The following CERS4 variants were observed in gnomAD, a reference collection of about 807,000 sequenced individuals.
CERS4 encodes LAG1 homolog, ceramide synthase 4.
A neutral mutation model predicts 51.8 loss-of-function variants in CERS4; 65 were observed. The observed-to-expected ratio is 1.26, with a 90% CI of 1.03 to 1.54. The LOEUF is 1.54. Among genes scored for constraint, CERS4 ranks in the 40% most tolerant of loss-of-function variants. The pLI is 0.00. For synonymous variants in CERS4, 228 were observed against 208.4 expected, an observed-to-expected ratio of 1.09 and a Z score of -0.81; for missense variants, 563 against 500.4, an observed-to-expected ratio of 1.13 and a Z score of -1.19.
chr19:8,223,143 G>A (rs1568502293), intron 2 of CERS4, among the ~76,000 whole-genome samples: 1 of 151,632 alleles, frequency 6.6e-6, no homozygotes, highest in Non-Finnish European at 1.5e-5. Context: ...AGACCAGCCT[G>A]GGCAACATAG....
At chr19:8,227,621 C>T (rs1188552283) in intron 2 of CERS4, among the ~76,000 whole-genome samples, 1 of 151,920 alleles carries the variant, frequency 6.6e-6, no homozygotes, top group African/African-American at 2.4e-5. Flanking sequence ...GGCTTACAGG[C>T]ATGAGTCACT....
chr19:8,234,005 C>T (rs1427338953), intron 2 of CERS4, among the ~76,000 whole-genome samples: 2 of 144,292 alleles, frequency 1.4e-5, no homozygotes, highest in East Asian at 2.2e-4. Context: ...ACAGAGACCT[C>T]GTCTCAAAAT....
Position 8,261,662 on chromosome 19 carries a change from G to T in CERS4, c.849-26G>T, listed in dbSNP as rs772451622. 28 of 1,613,164 alleles carry T rather than the reference G, an allele frequency of 1.7e-5. No homozygotes were observed. In the East Asian group the frequency reaches 6.2e-4, roughly 36 times the overall value. On this transcript the variant is annotated intron_variant, in intron 10 of 11. Coordinates refer to ENST00000251363, the MANE Select transcript of CERS4 (RefSeq NM_024552.3). Reference sequence around the variant, plus strand: ...GGCTACAGCGGCTGGTCAAACCCCAGCCTCCTCCTCTCCCCCTGGCTGTAG... The same window carrying T: ...GGCTACAGCGGCTGGTCAAACCCCATCCTCCTCCTCTCCCCCTGGCTGTAG...
At chr19:8,260,164 A>G (rs890892540) in intron 10 of CERS4, among the ~76,000 whole-genome samples, 1 of 151,974 alleles carries the variant, frequency 6.6e-6, no homozygotes, top group African/African-American at 2.4e-5. Flanking sequence ...GTCACCCTAC[A>G]GCTGATTGGG....
rs3042169 is a variant in CERS4 at position 8,231,851 on chromosome 19, A to ATTTTTTTTTTTTTTTTTTT, written c.-1-19221_-1-19203dup. 1.1e-4 allele frequency among the ~76,000 whole-genome samples: 12 copies of ATTTTTTTTTTTTTTTTTTT among 104,408 alleles called. 1 individual carries two copies. The highest frequency in any genetic ancestry group is 2.6e-4 in the East Asian group (1 of 3,890). The allele number at this position is 104,408 out of a possible 152,430, so 68.5% of individuals were successfully genotyped here. A position where few individuals can be genotyped will look rare whatever the true frequency, so the allele number is the denominator to read the frequency against. ...ACAAGCATGAGGCACTGTGCCCAGC[A>ATTTTTTTTTTTTTTTTTTT]TTTTTTTTTTTTTTTTTTTTTTAGA... On this transcript the variant is annotated intron_variant, in intron 2 of 11. Coordinates refer to ENST00000251363, the MANE Select transcript of CERS4 (RefSeq NM_024552.3).
intron 4 of CERS4, 47 bp from the exon 5 acceptor site, chr19:8,255,560 C>T: frequency 5.9e-6 from 9 of 1,525,908 alleles, no homozygotes; most frequent in Non-Finnish European, 8.0e-6. Flanking sequence ...ATGGGGGAAG[C>T]CACCACAGGG....
At chr19:8,255,084 G>A (rs1416280089) in intron 4 of CERS4, among the ~76,000 whole-genome samples, 1 of 152,146 alleles carries the variant, frequency 6.6e-6, no homozygotes, top group African/African-American at 2.4e-5. Flanking sequence ...TCCCGTCTCT[G>A]GTGTGGCTGC....
intron 3 of CERS4, among the ~76,000 whole-genome samples, chr19:8,253,534 A>G (rs1969205598): frequency 7.2e-6 from 1 of 138,352 alleles, no homozygotes. Context: ...ATCTCGACTC[A>G]CTGCCAGCTC....
chr19:8,212,639 TA>T (rs1012856555), intron 2 of CERS4, among the ~76,000 whole-genome samples: 134 of 148,004 alleles, frequency 9.1e-4, no homozygotes, highest in African/African-American at 2.2e-3. Flanking sequence ...TTTTAATTAT[TA>T]TTTTTTTTAT....
chr19:8,254,146 C>T (rs112607945), intron 3 of CERS4, among the ~76,000 whole-genome samples: 11,245 of 151,394 alleles, frequency 0.074, 780 homozygotes, highest in African/African-American at 0.18. Flanking sequence ...CACAGTGAAA[C>T]CCCGTCTCTA....
chr19:8,256,211 C>T (rs751585192), intron 6 of CERS4, 25 bp from the exon 7 acceptor site: 41 of 1,605,170 alleles, frequency 2.6e-5, no homozygotes, highest in Non-Finnish European at 3.1e-5. Flanking sequence ...CACCTCTGCA[C>T]AGCCTGACAC....
At chr19:8,254,075 C>T (rs76415391) in intron 3 of CERS4, among the ~76,000 whole-genome samples, 11,177 of 151,904 alleles carry the variant, frequency 0.074, 770 homozygotes, top group African/African-American at 0.18. Flanking sequence ...GTAATCCCAG[C>T]CCTCTGGGAG....
At chr19:8,250,862 G>A in intron 2 of CERS4, 2 of 1,383,786 alleles carry the variant, frequency 1.4e-6, no homozygotes, top group Non-Finnish European at 1.9e-6. Context: ...AATGGAGTGG[G>A]AGTGATGAGA....
chr19:8,222,901 T>G (rs998664576), intron 2 of CERS4, among the ~76,000 whole-genome samples: 13 of 152,248 alleles, frequency 8.5e-5, no homozygotes, highest in African/African-American at 3.1e-4. Context: ...GGAGCTTGGT[T>G]GTTCTCTGGA....
At chr19:8,224,836 G>A (rs1312031035) in intron 2 of CERS4, among the ~76,000 whole-genome samples, 2 of 152,294 alleles carry the variant, frequency 1.3e-5, no homozygotes, top group Middle Eastern at 3.4e-3. Flanking sequence ...TGAGTGCCGA[G>A]AGGGTGTGAG....
At chr19:8,232,638 A>G (rs1259419742) in intron 2 of CERS4, among the ~76,000 whole-genome samples, 1 of 152,110 alleles carries the variant, frequency 6.6e-6, no homozygotes, top group Non-Finnish European at 1.5e-5. Flanking sequence ...GAATTCTGCA[A>G]AGTGGTAGCC....
chr19:8,216,910 C>T (rs1967324652), intron 2 of CERS4, among the ~76,000 whole-genome samples: 2 of 152,222 alleles, frequency 1.3e-5, no homozygotes, highest in South Asian at 2.1e-4. Context: ...CCAGACTCTA[C>T]TCCCTACTTT....
intron 2 of CERS4, among the ~76,000 whole-genome samples, chr19:8,211,549 C>T (rs1299190902): frequency 6.6e-6 from 1 of 152,184 alleles, no homozygotes; most frequent in East Asian, 1.9e-4. Flanking sequence ...ACGTGCTAAA[C>T]AGGCTATTAA....
At chr19:8,253,046 TC>T (rs1969169357) in intron 3 of CERS4, among the ~76,000 whole-genome samples, 1 of 152,230 alleles carries the variant, frequency 6.6e-6, no homozygotes, top group Non-Finnish European at 1.5e-5. Context: ...GCTCATTCTC[TC>T]CGCATCATGA....
Sources: allele counts gnomAD v4.1 joint callset (sites outside exome capture counted in the v4.1 genomes callset), GRCh38; gene constraint gnomAD v4.1.1; transcripts MANE v1.5; gene names NCBI Gene and HGNC (gene_info 2026-07-23, HGNC 2026-07-21).